CCSER1: variants seen among roughly 807,000 people sequenced by gnomAD.
The protein encoded by CCSER1 is serine-rich coiled-coil domain-containing protein 1.
A neutral mutation model predicts 82.0 loss-of-function variants in CCSER1; 41 were observed. That is an observed-to-expected ratio of 0.50 (90% CI 0.39 to 0.65). CCSER1 has a LOEUF of 0.65. Ranked by LOEUF, CCSER1 falls within the 30% of genes least tolerant of loss-of-function variation. CCSER1 has a pLI of 0.00. For synonymous variants in CCSER1, 414 were observed against 383.9 expected (o/e 1.08, Z -0.92); for missense variants, 1,119 against 1,064.2 (o/e 1.05, Z -0.72).
chr4:91,303,901 T>C (rs1182335209), intron 10 of CCSER1, among the ~76,000 whole-genome samples: 1 of 152,006 alleles, frequency 6.6e-6, no homozygotes, highest in Non-Finnish European at 1.5e-5. Context: ...AGGGAAACTG[T>C]GGAGCAGGGT....
intron 7 of CCSER1, among the ~76,000 whole-genome samples, chr4:90,761,120 C>G (rs1261078664): frequency 6.6e-6 from 1 of 152,078 alleles, no homozygotes; most frequent in Non-Finnish European, 1.5e-5. Flanking sequence ...TTAACAGTCA[C>G]TGATAGATGC....
At chr4:90,164,018 G>C (rs1044882547) in intron 1 of CCSER1, among the ~76,000 whole-genome samples, 1 of 152,056 alleles carries the variant, frequency 6.6e-6, no homozygotes, top group South Asian at 2.1e-4. Context: ...TTTATAGCTG[G>C]GTGTTTGCTG....
chr4:90,322,747 C>A (rs760034617), intron 3 of CCSER1, among the ~76,000 whole-genome samples: 1 of 152,134 alleles, frequency 6.6e-6, no homozygotes, highest in African/African-American at 2.4e-5. Flanking sequence ...GGCAAAGTCT[C>A]TTTTTCTCTT....
intron 10 of CCSER1, among the ~76,000 whole-genome samples, chr4:91,181,540 G>C (rs1734033459): frequency 6.6e-6 from 1 of 152,114 alleles, no homozygotes; most frequent in African/African-American, 2.4e-5. Context: ...ATACCACAGT[G>C]GTTCCAGATA....
chr4:90,713,048 AGATG>A (rs1166679145), intron 6 of CCSER1, among the ~76,000 whole-genome samples: 1 of 151,362 alleles, frequency 6.6e-6, no homozygotes, highest in Non-Finnish European at 1.5e-5. Context: ...TTTGCACATG[AGATG>A]GATCTTTTCA....
intron 10 of CCSER1, among the ~76,000 whole-genome samples, chr4:91,103,982 A>T (rs1194820008): frequency 6.6e-6 from 1 of 152,042 alleles, no homozygotes; most frequent in Admixed American, 6.5e-5. Flanking sequence ...AAAGGAATGC[A>T]TTCCTGGGGG....
chr4:91,166,736 A>G (rs915327770), intron 10 of CCSER1, among the ~76,000 whole-genome samples: 2 of 152,186 alleles, frequency 1.3e-5, no homozygotes, highest in Non-Finnish European at 2.9e-5. Context: ...TTGTTTTTTT[A>G]ACCACAAAAC....
At chr4:90,914,952 A>G (rs532719879) in intron 8 of CCSER1, among the ~76,000 whole-genome samples, 1 of 152,322 alleles carries the variant, frequency 6.6e-6, no homozygotes, top group Non-Finnish European at 1.5e-5. Context: ...ACAGCCTCCC[A>G]AGACTAAACC....
At chr4:91,138,716 C>T (rs571359076) in intron 10 of CCSER1, among the ~76,000 whole-genome samples, 2 of 133,700 alleles carry the variant, frequency 1.5e-5, no homozygotes, top group East Asian at 2.2e-4. Context: ...CCAGAATCTA[C>T]AATGAACTCA....
At position 90,409,567 on chromosome 4, in the gene CCSER1, T is replaced by G. The variant is rs368204358; in HGVS notation, c.1603+9438T>G. On this transcript the variant is annotated intron_variant, in intron 4 of 10. Coordinates refer to ENST00000509176, the MANE Select transcript of CCSER1 (RefSeq NM_001145065.2). The stretch of plus-strand genomic sequence containing the variant: ...TGAAGGAGAAATAAAATCCTTTACA[T>G]ACAAGCAAATGCTGAGAGATTTTGT... 4.6e-5 allele frequency among the ~76,000 whole-genome samples: 7 copies of G among 152,204 alleles called. No homozygotes were observed. In the South Asian group the frequency reaches 6.2e-4, roughly 14 times the overall value.
At chr4:91,421,133 G>A (rs1403216434) in intron 10 of CCSER1, among the ~76,000 whole-genome samples, 3 of 152,288 alleles carry the variant, frequency 2.0e-5, no homozygotes, top group Admixed American at 6.5e-5. Context: ...CACAGCTAAT[G>A]TGAATTAGCA....
chr4:91,177,657 G>A (rs537482048), intron 10 of CCSER1, among the ~76,000 whole-genome samples: 54 of 152,286 alleles, frequency 3.5e-4, no homozygotes, highest in African/African-American at 1.3e-3. Context: ...TGTCAGATCA[G>A]TGGTGATATC....
intron 10 of CCSER1, among the ~76,000 whole-genome samples, chr4:91,293,078 A>T (rs1743880569): frequency 6.6e-6 from 1 of 151,982 alleles, no homozygotes; most frequent in South Asian, 2.1e-4. Flanking sequence ...ATAAAAAATA[A>T]TTTGCCTGTT....
At chr4:90,908,679 T>C (rs1725868636) in intron 8 of CCSER1, among the ~76,000 whole-genome samples, 1 of 152,146 alleles carries the variant, frequency 6.6e-6, no homozygotes, top group African/African-American at 2.4e-5. Context: ...CCATTGTGTA[T>C]TTGACACAAA....
At chr4:90,208,261 C>T (rs1320529554) in intron 1 of CCSER1, among the ~76,000 whole-genome samples, 2 of 152,188 alleles carry the variant, frequency 1.3e-5, no homozygotes, top group African/African-American at 4.8e-5. Flanking sequence ...CTGCAGTTGG[C>T]TTCACCCAGT....
In CCSER1 at chr4:91,150,039, G is replaced by T. The variant is rs191208934; in HGVS notation, c.2217+64045G>T. On this transcript the variant is annotated intron_variant, in intron 10 of 10. Transcript: ENST00000509176. ...AGAAAGTCATTGGTAGCTTGATGGG[G>T]ATGGCATTGAATCTATAAATTACCT... 8.1e-4 allele frequency among the ~76,000 whole-genome samples: 124 copies of T among 152,202 alleles called. 1 individual carries two copies. The highest frequency in any genetic ancestry group is 3.0e-3 in the African/African-American group (123 of 41,526).
At chr4:90,607,515 A>G (rs2148798736) in intron 5 of CCSER1, among the ~76,000 whole-genome samples, 1 of 152,182 alleles carries the variant, frequency 6.6e-6, no homozygotes. Context: ...GTTTTCTGGC[A>G]ATCTTTGGCT....
chr4:90,941,407 G>T (rs907669943), intron 9 of CCSER1, among the ~76,000 whole-genome samples: 1 of 151,926 alleles, frequency 6.6e-6, no homozygotes, highest in African/African-American at 2.4e-5. Flanking sequence ...ATATACATAT[G>T]ATTTTATTGT....
Position 90,714,230 on chromosome 4 carries a change from C to T in CCSER1, c.1933-9684C>T, listed in dbSNP as rs570607166. Among the ~76,000 whole-genome samples the T allele has an allele frequency of 2.0e-5, 3 of 151,744 alleles. No individual in the cohort carries two copies. In the South Asian group the frequency reaches 6.2e-4, roughly 32 times the overall value. ...TCTTTGAATAGTTGGAATTTTGTTC[C>T]TTTTTCTATCTATTTATTCGTTTAT... On this transcript the variant is annotated intron_variant, in intron 6 of 10. Coordinates refer to ENST00000509176, the MANE Select transcript of CCSER1 (RefSeq NM_001145065.2).
Sources: gnomAD v4.1 joint callset for allele counts (sites outside exome capture counted in the v4.1 genomes callset) on GRCh38, gnomAD v4.1.1 for gene constraint, MANE v1.5 for transcripts, NCBI Gene and HGNC (gene_info 2026-07-23, HGNC 2026-07-21) for gene names.